The following KIF1A variants were observed in gnomAD, a reference collection of about 807,000 sequenced individuals.
KIF1A encodes kinesin family member 1A, also known as kinesin-like protein KIF1A.
A neutral mutation model predicts 227.3 loss-of-function variants in KIF1A; 46 were observed. That is an observed-to-expected ratio of 0.20 (90% CI 0.16 to 0.26). The LOEUF is 0.26. Among genes scored for constraint, KIF1A ranks in the 10% least tolerant of loss-of-function variants. KIF1A has a pLI of 1.00. For missense variants in KIF1A, 1,683 were observed against 2,485.9 expected, an observed-to-expected ratio of 0.68 and a Z score of 6.87; for synonymous variants, 1,022 against 1,012.8, an observed-to-expected ratio of 1.01 and a Z score of -0.17.
chr2:240,795,680 G>A (rs893906564), intron 2 of KIF1A, among the ~76,000 whole-genome samples: 13 of 152,214 alleles, frequency 8.5e-5, no homozygotes, highest in South Asian at 2.1e-4. Context: ...TGGGGAGGCC[G>A]CCTACCCAGT....
intron 1 of KIF1A, among the ~76,000 whole-genome samples, chr2:240,800,282 C>T (rs2056852308): frequency 6.6e-6 from 1 of 152,182 alleles, no homozygotes; most frequent in Non-Finnish European, 1.5e-5. Flanking sequence ...ACAGAGAAGC[C>T]TCTGTTCTTG....
chr2:240,820,110 C>T lies in KIF1A; in HGVS notation c.-61+12G>A. On this transcript the variant is annotated intron_variant, in intron 1 of 48. Transcript: ENST00000498729. The surrounding 1 kb of genome is among the most constrained non-coding windows in gnomAD (Gnocchi z 6.2). Reference sequence around the variant, plus strand: ...GCGCGGGCGCGGGAGGCCGGGCGGGCGGCGGCCTTACCTCTCCGGCGTCAC... The same window carrying T: ...GCGCGGGCGCGGGAGGCCGGGCGGGTGGCGGCCTTACCTCTCCGGCGTCAC... 1 of 150,748 alleles carries T rather than the reference C, an allele frequency of 6.6e-6. No individual in the cohort carries two copies. Among genetic ancestry groups the T allele is most frequent in the Non-Finnish European group, 1.5e-5 (1 of 68,080 alleles). The allele number at this position is 150,748 out of a possible 1,614,324, so 9.3% of individuals were successfully genotyped here.
chr2:240,808,573 G>A (rs1432982549), intron 1 of KIF1A, among the ~76,000 whole-genome samples: 1 of 151,914 alleles, frequency 6.6e-6, no homozygotes, highest in Non-Finnish European at 1.5e-5. Flanking sequence ...TTGGGAGGCT[G>A]AGGTAGGAGG....
intron 2 of KIF1A, among the ~76,000 whole-genome samples, chr2:240,791,743 G>A (rs2055730419): frequency 6.6e-6 from 1 of 152,208 alleles, no homozygotes; most frequent in African/African-American, 2.4e-5. Flanking sequence ...CCCAAGGAAT[G>A]CCAGGTAGGT....
intron 1 of KIF1A, among the ~76,000 whole-genome samples, chr2:240,808,765 C>T (rs545628226): frequency 5.9e-5 from 9 of 152,106 alleles, no homozygotes; most frequent in South Asian, 2.1e-4. Context: ...AGTCTCACAC[C>T]GTCGCCTGGG....
intron 44 of KIF1A, 88 bp from the exon 45 acceptor site, chr2:240,721,126 C>G: frequency 6.5e-7 from 1 of 1,529,372 alleles, no homozygotes; most frequent in Non-Finnish European, 8.9e-7. Flanking sequence ...GCGCTTACCC[C>G]ACACCTGCTG....
At chr2:240,802,798 A>C (rs187909524) in intron 1 of KIF1A, among the ~76,000 whole-genome samples, 1 of 152,160 alleles carries the variant, frequency 6.6e-6, no homozygotes, top group Admixed American at 6.6e-5. Context: ...TACCTGGCTA[A>C]ATTTTTTATT....
intron 45 of KIF1A, 114 bp from the exon 46 acceptor site, chr2:240,720,040 C>G: frequency 1.1e-5 from 12 of 1,048,268 alleles, no homozygotes; most frequent in East Asian, 3.0e-5. Flanking sequence ...GGCACCTTCG[C>G]AGGGTCTCTC....
chr2:240,734,598 G>T, intron 38 of KIF1A: 1 of 551,382 alleles, frequency 1.8e-6, no homozygotes, highest in Non-Finnish European at 3.3e-6. Context: ...GCACGTGTGT[G>T]AGGAGTCCAG....
rs759716529 is a variant in KIF1A, at chr2:240,757,419, C to T, written c.2758G>A (p.Glu920Lys). The T allele has an allele frequency of 2.4e-5, 37 of 1,521,140 alleles. No individual in the cohort carries two copies. The African/African-American group carries it at 5.8e-4, about 24-fold the overall frequency. The allele number at this position is 1,521,140 out of a possible 1,614,324, so 94.2% of individuals were successfully genotyped here. The part of the protein sequence containing the change: ...EEEEEEEEDE[E>K]EEDLEDDVFP... ...ACGTCGTCCTCCAGGTCCTCCTCCT[C>T]CTCATCCTCCTCCTCCTCCTCCTCC... The change falls in exon 27 of 49, where the codon GAG becomes AAG. Residue 920 changes from glutamate (E) to lysine (K), a missense_variant. Around this residue, in one of 12 missense-constraint regions of KIF1A, gnomAD observed 759 missense variants for 1,020.2 expected, o/e 0.74. Transcript: ENST00000498729. The surrounding 1 kb of genome is among the most constrained non-coding windows in gnomAD (Gnocchi z 6.2).
intron 14 of KIF1A, among the ~76,000 whole-genome samples, 170 bp downstream of exon 14, chr2:240,772,400 C>T (rs1042172654): frequency 8.5e-5 from 13 of 152,276 alleles, no homozygotes; most frequent in African/African-American, 2.9e-4. Flanking sequence ...CCCACATCTA[C>T]GAGCAGGGCC....
Position 240,740,393 on chromosome 2 carries a change from G to C in KIF1A, c.3750-29C>G. 6.3e-7 allele frequency: 1 copy of C among 1,593,844 alleles called. No homozygotes were observed. The highest frequency in any genetic ancestry group is 1.1e-5 in the South Asian group (1 of 90,642). ...GAAGAGAGAGACACATGTGAGGAGC[G>C]GCCAGCCCCTCCTCTCTGCCCTCCC... On this transcript the variant is annotated intron_variant, in intron 35 of 48. Coordinates refer to ENST00000498729, the MANE Select transcript of KIF1A (RefSeq NM_001244008.2). The surrounding 1 kb of genome is among the most constrained non-coding windows in gnomAD (Gnocchi z 6.1).
intron 38 of KIF1A, among the ~76,000 whole-genome samples, chr2:240,731,105 A>G (rs1391907712): frequency 1.3e-5 from 2 of 151,850 alleles, no homozygotes; most frequent in Non-Finnish European, 2.9e-5. Flanking sequence ...GCAAATCTGC[A>G]GTAGATCCAC....
rs1252719679 is a variant in KIF1A at position 240,792,514 on chromosome 2, G to A, written c.107-3202C>T. Among the ~76,000 whole-genome samples, 1 of 152,042 alleles carries A rather than the reference G, an allele frequency of 6.6e-6. No homozygotes were observed. The highest frequency in any genetic ancestry group is 1.5e-5 in the Non-Finnish European group (1 of 67,970). ...AAGGACTGGACACCGAGACGACAGA[G>A]ACAGCGGGGGGAGGGTTGGGGTGAG... On this transcript the variant is annotated intron_variant, in intron 2 of 48. Coordinates refer to ENST00000498729, the MANE Select transcript of KIF1A (RefSeq NM_001244008.2). The surrounding 1 kb of genome is among the most constrained non-coding windows in gnomAD (Gnocchi z 4.5).
intron 6 of KIF1A, among the ~76,000 whole-genome samples, chr2:240,785,991 T>C (rs1393010832): frequency 6.6e-6 from 1 of 151,836 alleles, no homozygotes; most frequent in Non-Finnish European, 1.5e-5. Context: ...CCCAGCACAC[T>C]GGCCCCCACA....
intron 17 of KIF1A, among the ~76,000 whole-genome samples, 196 bp from the exon 18 acceptor site, chr2:240,767,541 C>T (rs2051364177): frequency 6.6e-6 from 1 of 152,236 alleles, no homozygotes; most frequent in Non-Finnish European, 1.5e-5. Context: ...AGGCCCAGCC[C>T]ACCAACAGCA....
In KIF1A at chr2:240,757,196, C is replaced by T; in HGVS notation, c.2858+123G>A. The T allele has an allele frequency of 2.0e-6, 2 of 1,004,870 alleles. No homozygotes were observed. The highest frequency in any genetic ancestry group is 1.6e-5 in the South Asian group (1 of 60,922). The allele number at this position is 1,004,870 out of a possible 1,614,324, so 62.2% of individuals were successfully genotyped here. On this transcript the variant is annotated intron_variant, in intron 27 of 48. Coordinates refer to ENST00000498729, the MANE Select transcript of KIF1A (RefSeq NM_001244008.2). This position sits in a 1 kb window ranked among gnomAD's most constrained non-coding sequence, Gnocchi z 6.2. The stretch of plus-strand genomic sequence containing the variant: ...GCTCTCCTCAGGAGGCCAGCCCCTC[C>T]ACCTGCCTCGCCTGCCCTGGGAGGG...
In KIF1A at chr2:240,718,206, C is replaced by T; in HGVS notation, c.5215-38G>A. 4 of 1,406,318 alleles carry T rather than the reference C, an allele frequency of 2.8e-6. No individual in the cohort carries two copies. The South Asian group carries it at 4.9e-5, about 17-fold the overall frequency. 87.1% of individuals were successfully genotyped at this position (1,406,318 alleles called of 1,614,324 possible). On this transcript the variant is annotated intron_variant, in intron 47 of 48. Coordinates refer to ENST00000498729, the MANE Select transcript of KIF1A (RefSeq NM_001244008.2). The stretch of plus-strand genomic sequence containing the variant: ...GCAGCTGGTGAGGAGGTGCCAGGCT[C>T]CGTGGTCAGCACACCACCCTCCTGC...
Position 240,760,985 on chromosome 2 carries a change from G to A in KIF1A, c.2266-142C>T, listed in dbSNP as rs186212249. 23 of 942,358 alleles carry A rather than the reference G, an allele frequency of 2.4e-5. No homozygotes were observed. In the East Asian group the frequency reaches 5.9e-4, roughly 24 times the overall value. 58.4% of individuals were successfully genotyped at this position (942,358 alleles called of 1,614,324 possible). On this transcript the variant is annotated intron_variant, in intron 24 of 48. Coordinates refer to ENST00000498729, the MANE Select transcript of KIF1A (RefSeq NM_001244008.2). ...CTGGAACCTTTCAGACAGCCGCCAGGGGGGACCACCTACTTCCTGCCTGCC... is the reference window on the plus strand; with the variant it reads ...CTGGAACCTTTCAGACAGCCGCCAGAGGGGACCACCTACTTCCTGCCTGCC...
Sources: gnomAD v4.1 joint callset for allele counts (sites outside exome capture counted in the v4.1 genomes callset) on GRCh38, gnomAD v4.1.1 for gene constraint, gnomAD v4.1.1 regional missense constraint, Gnocchi (gnomAD v3.1) non-coding constraint, MANE v1.5 for transcripts, NCBI Gene and HGNC (gene_info 2026-07-23, HGNC 2026-07-21) for gene names.